The following C10orf90 variants were observed in gnomAD, a reference collection of about 807,000 sequenced individuals.
C10orf90 encodes (E2-independent) E3 ubiquitin-conjugating enzyme FATS.
In C10orf90, 56 loss-of-function variants were observed where a neutral mutation model predicts 62.5. The ratio of observed to expected loss-of-function variants is 0.90; its 90% CI spans 0.72 to 1.12. The LOEUF is 1.12. Ranked by LOEUF, C10orf90 falls within the 50% of genes most tolerant of loss-of-function variation. The probability of loss-of-function intolerance (pLI) is 0.00; values close to 1 mark genes in which losing one functional copy is unlikely to be tolerated. For synonymous variants in C10orf90, 386 were observed against 340.4 expected, an observed-to-expected ratio of 1.13 and a Z score of -1.47; for missense variants, 970 against 880.4, an observed-to-expected ratio of 1.10 and a Z score of -1.29.
rs563532891 is a variant in C10orf90, at chr10:126,533,022, T to C, written c.314-19083A>G. Among the ~76,000 whole-genome samples, 9 of 150,598 alleles carry C rather than the reference T, an allele frequency of 6.0e-5. No individual in the cohort carries two copies. In the East Asian group the frequency reaches 1.8e-3, roughly 30 times the overall value. On this transcript the variant is annotated intron_variant, in intron 2 of 9. Transcript: ENST00000488181. ...ATCTCGGCTCACTGCAAGCTCCACC[T>C]CCCGGGTTCACGTCATTCTCCTGCC...
At chr10:126,483,134 A>G (rs1221812040) in intron 4 of C10orf90, among the ~76,000 whole-genome samples, 2 of 152,264 alleles carry the variant, frequency 1.3e-5, no homozygotes, top group African/African-American at 4.8e-5. Context: ...AAAGACAAAC[A>G]GCTCACCAGG....
chr10:126,621,184 C>G (rs935243319), intron 2 of C10orf90, among the ~76,000 whole-genome samples: 1 of 152,166 alleles, frequency 6.6e-6, no homozygotes, highest in African/African-American at 2.4e-5. Context: ...CCAGTGGACT[C>G]TACGACTTTA....
At chr10:126,663,587 T>C (rs1284783608) in intron 1 of C10orf90, among the ~76,000 whole-genome samples, 2 of 152,154 alleles carry the variant, frequency 1.3e-5, no homozygotes, top group Non-Finnish European at 2.9e-5. Flanking sequence ...CAGCTCTCCT[T>C]GCACGCAGTG....
In C10orf90 at chr10:126,565,215, AT is replaced by A. The variant is rs1208429925; in HGVS notation, c.314-51277del. Among the ~76,000 whole-genome samples the A allele has an allele frequency of 5.3e-3, 222 of 42,190 alleles. 12 individuals are homozygous for A. The highest frequency in any genetic ancestry group is 0.014 in the Admixed American group (31 of 2,268). The allele number at this position is 42,190 out of a possible 152,430, so 27.7% of individuals were successfully genotyped here. A position where few individuals can be genotyped will look rare whatever the true frequency, so the allele number is the denominator to read the frequency against. ...TTTATATTACATATTATGTAATATA[AT>A]TTTTATATTACATATTATGTAATAT... On this transcript the variant is annotated intron_variant, in intron 2 of 9. Coordinates refer to ENST00000488181, the MANE Select transcript of C10orf90 (RefSeq NM_001350921.2).
intron 2 of C10orf90, among the ~76,000 whole-genome samples, chr10:126,571,999 G>A (rs945100600): frequency 5.3e-5 from 8 of 152,086 alleles, no homozygotes; most frequent in Non-Finnish European, 7.4e-5. Context: ...GCCCTGGTCC[G>A]GCATCGATGC....
intron 2 of C10orf90, among the ~76,000 whole-genome samples, chr10:126,632,606 A>T (rs1169885572): frequency 3.3e-5 from 5 of 151,952 alleles, no homozygotes; most frequent in Non-Finnish European, 5.9e-5. Flanking sequence ...ACTATGCACT[A>T]CTGCTTTGTT....
At chr10:126,464,002 C>T (rs372001651) in intron 5 of C10orf90, among the ~76,000 whole-genome samples, 42 of 152,310 alleles carry the variant, frequency 2.8e-4, no homozygotes, top group African/African-American at 9.9e-4. Flanking sequence ...TTCTTTCTGT[C>T]CTTTTCCATA....
chr10:126,470,641 T>G (rs1003920744), intron 4 of C10orf90, among the ~76,000 whole-genome samples: 1 of 151,676 alleles, frequency 6.6e-6, no homozygotes, highest in African/African-American at 2.4e-5. Context: ...TCCAAGCTAC[T>G]CTAGAGGCTG....
chr10:126,527,448 TG>T (rs1266254813), intron 2 of C10orf90, among the ~76,000 whole-genome samples: 3 of 152,250 alleles, frequency 2.0e-5, no homozygotes, highest in Non-Finnish European at 4.4e-5. Flanking sequence ...AGGTGCTTAA[TG>T]ACGCCTCCCT....
intron 2 of C10orf90, among the ~76,000 whole-genome samples, 171 bp downstream of exon 2, chr10:126,646,394 A>T (rs1185155387): frequency 6.6e-6 from 1 of 152,208 alleles, no homozygotes; most frequent in Non-Finnish European, 1.5e-5. Context: ...GCTGTTTAGA[A>T]ATTCAAATCA....
chr10:126,464,841 T>C lies in C10orf90; in HGVS notation c.1680A>G (p.Arg560=), dbSNP rs1276230038. ...DSSPSDDCLS[R]DLSEPTERRH... is the part of the protein sequence containing the mutation. ...GTCTCTCTGTGGGCTCAGAAAGGTC[T>C]CTAGACAGACAGTCATCGCTTGGAG... The change falls in exon 5 of 10, where the codon AGA becomes AGG. Residue 560 remains arginine, a synonymous_variant. Coordinates refer to ENST00000488181, the MANE Select transcript of C10orf90 (RefSeq NM_001350921.2). 1 of 1,614,146 alleles carries C rather than the reference T, an allele frequency of 6.2e-7. No homozygotes were observed. The highest frequency in any genetic ancestry group is 8.5e-7 in the Non-Finnish European group (1 of 1,180,030).
Position 126,565,217 on chromosome 10 carries a change from T to TTATATTACATATTATGTAATATAATA in C10orf90, c.314-51279_314-51278insTATTATATTACATAATATGTAATATA, listed in dbSNP as rs1844330332. The stretch of plus-strand genomic sequence containing the variant: ...TATATTACATATTATGTAATATAAT[T>TTATATTACATATTATGTAATATAATA]TTTATATTACATATTATGTAATATA... On this transcript the variant is annotated intron_variant, in intron 2 of 9. Coordinates refer to ENST00000488181, the MANE Select transcript of C10orf90 (RefSeq NM_001350921.2). Among the ~76,000 whole-genome samples, 6 of 17,374 alleles carry TTATATTACATATTATGTAATATAATA rather than the reference T, an allele frequency of 3.5e-4. 1 individual carries two copies. Among genetic ancestry groups the TTATATTACATATTATGTAATATAATA allele is most frequent in the African/African-American group, 8.2e-4 (6 of 7,286 alleles). The allele number at this position is 17,374 out of a possible 152,430, so 11.4% of individuals were successfully genotyped here.
At chr10:126,625,750 T>G (rs562604116) in intron 2 of C10orf90, among the ~76,000 whole-genome samples, 1 of 152,216 alleles carries the variant, frequency 6.6e-6, no homozygotes, top group Non-Finnish European at 1.5e-5. Flanking sequence ...ATGTCATTCA[T>G]TGGAATTTTT....
intron 2 of C10orf90, among the ~76,000 whole-genome samples, chr10:126,536,710 C>A (rs1303080412): frequency 6.6e-6 from 1 of 152,142 alleles, no homozygotes; most frequent in Non-Finnish European, 1.5e-5. Flanking sequence ...CAAAATTGTT[C>A]TTGAATTCAT....
At chr10:126,463,303 C>G (rs1317649810) in intron 5 of C10orf90, 3 of 152,766 alleles carry the variant, frequency 2.0e-5, no homozygotes, top group Non-Finnish European at 4.4e-5. Context: ...GCAGCCCCTC[C>G]TTCACAGTGA....
At chr10:126,620,885 C>G (rs566674344) in intron 2 of C10orf90, among the ~76,000 whole-genome samples, 1 of 152,308 alleles carries the variant, frequency 6.6e-6, no homozygotes, top group African/African-American at 2.4e-5. Context: ...ACTAGCTCAA[C>G]AACTATGGAT....
At chr10:126,590,047 A>C (rs1315427037) in intron 2 of C10orf90, among the ~76,000 whole-genome samples, 1 of 152,200 alleles carries the variant, frequency 6.6e-6, no homozygotes, top group Non-Finnish European at 1.5e-5. Context: ...TTGCAATCCT[A>C]GTTTCTGACA....
chr10:126,429,649 T>C, intron 8 of C10orf90, 138 bp downstream of exon 8: 1 of 665,380 alleles, frequency 1.5e-6, no homozygotes, highest in Admixed American at 2.8e-5. Context: ...TAGCCGTTTT[T>C]TCAGATTTGC....
At chr10:126,566,676 G>C (rs1692595342) in intron 2 of C10orf90, among the ~76,000 whole-genome samples, 1 of 152,220 alleles carries the variant, frequency 6.6e-6, no homozygotes, top group Admixed American at 6.5e-5. Context: ...AAAGAGAACA[G>C]TGAGACTGGA....
Sources: allele counts gnomAD v4.1 joint callset (sites outside exome capture counted in the v4.1 genomes callset), GRCh38; gene constraint gnomAD v4.1.1; transcripts MANE v1.5; gene names NCBI Gene and HGNC (gene_info 2026-07-23, HGNC 2026-07-21).